The following ZNF469 variants were observed in gnomAD, a reference collection of about 807,000 sequenced individuals.
The protein encoded by ZNF469 is zinc finger protein 469.
ZNF469 carries 1 observed loss-of-function variant against 1.0 expected under a neutral mutation model. That is an observed-to-expected ratio of 1.00 (90% CI 0.35 to 4.73). The LOEUF (loss-of-function observed/expected upper bound fraction) is 4.73. Ranked by LOEUF, ZNF469 falls within the 30% of genes most tolerant of loss-of-function variation. The pLI is 0.16. For missense variants in ZNF469, 6,100 were observed against 5,356.3 expected (o/e 1.14, Z -4.33); for synonymous variants, 2,703 against 2,363.4 (o/e 1.14, Z -4.17).
chr16:88,417,764 C>T (rs1233439310), intron 1 of ZNF469, among the ~76,000 whole-genome samples: 8 of 152,230 alleles, frequency 5.3e-5, no homozygotes, highest in Non-Finnish European at 7.3e-5. Context: ...GCACCTCCAC[C>T]TCCCAGTGCC....
At chr16:88,295,960 G>C in the ZNF469 span, among the ~76,000 whole-genome samples, 4 of 152,208 alleles carry the variant, frequency 2.6e-5, no homozygotes, top group Admixed American at 6.5e-5. Flanking sequence ...ACTGTCAATA[G>C]AGAAAGGGCT....
At chr16:88,320,654 G>A in the ZNF469 span, among the ~76,000 whole-genome samples, 2 of 152,176 alleles carry the variant, frequency 1.3e-5, no homozygotes, top group African/African-American at 4.8e-5. Context: ...AAAGTGCTGG[G>A]ATTACAGGTG....
the ZNF469 span, among the ~76,000 whole-genome samples, chr16:88,336,035 G>A: frequency 6.6e-5 from 10 of 150,582 alleles, no homozygotes; most frequent in South Asian, 1.1e-3. Flanking sequence ...ACAGTGATGC[G>A]CCAATACCAC....
rs774519167 is a variant in ZNF469, at chr16:88,437,291, G to A, written c.9821G>A (p.Arg3274Gln). 3.9e-6 allele frequency: 6 copies of A among 1,547,550 alleles called. No individual in the cohort carries two copies. The African/African-American group carries it at 4.1e-5, about 11-fold the overall frequency. The stretch of plus-strand genomic sequence containing the variant: ...AGCCCGGGCGAGAGGGCGAAACCCC[G>A]GGCACGCAGCACCCCCAGCAACCCA... ...KDSPGERAKPRARSTPSNPDG... is the reference protein window; with the variant it reads ...KDSPGERAKPQARSTPSNPDG... The change falls in exon 3 of 3, where the codon CGG becomes CAG. Residue 3274 changes from arginine (R) to glutamine (Q), a missense_variant. Coordinates refer to ENST00000565624, the MANE Select transcript of ZNF469 (RefSeq NM_001367624.2).
At chr16:88,377,895 A>G in the ZNF469 span, among the ~76,000 whole-genome samples, 18 of 152,236 alleles carry the variant, frequency 1.2e-4, no homozygotes, top group African/African-American at 4.1e-4. Context: ...ATGCCAGGAA[A>G]AAAAAATGGT....
the ZNF469 span, among the ~76,000 whole-genome samples, chr16:88,334,472 G>A: frequency 6.6e-6 from 1 of 152,296 alleles, no homozygotes; most frequent in Non-Finnish European, 1.5e-5. Context: ...AGAGCATCAT[G>A]TCAGAGCTCA....
the ZNF469 span, among the ~76,000 whole-genome samples, chr16:88,109,781 G>C: frequency 0.45 from 62,114 of 139,042 alleles, 14,033 homozygotes; most frequent in Middle Eastern, 0.59. Flanking sequence ...AGGAGGTGCT[G>C]TGCGTCTGTG....
At chr16:88,182,853 A>T in the ZNF469 span, among the ~76,000 whole-genome samples, 2 of 152,096 alleles carry the variant, frequency 1.3e-5, no homozygotes, top group Non-Finnish European at 2.9e-5. Flanking sequence ...CTTAGATAGG[A>T]TACAAAAACA....
At chr16:88,284,375 TG>T in the ZNF469 span, among the ~76,000 whole-genome samples, 1 of 152,170 alleles carries the variant, frequency 6.6e-6, no homozygotes. Flanking sequence ...CGAGGGATCC[TG>T]GGGCATCCCA....
the ZNF469 span, among the ~76,000 whole-genome samples, chr16:88,132,815 G>A: frequency 1.8e-4 from 28 of 152,322 alleles, no homozygotes; most frequent in African/African-American, 6.5e-4. Flanking sequence ...CAGAGGTGGA[G>A]GCCTCCGCAC....
At chr16:88,331,566 TCACCACCAC>T in the ZNF469 span, among the ~76,000 whole-genome samples, 7 of 146,046 alleles carry the variant, frequency 4.8e-5, no homozygotes, top group South Asian at 4.5e-4. Context: ...GTCATCACCA[TCACCACCAC>T]CACCACCACC....
the ZNF469 span, among the ~76,000 whole-genome samples, chr16:88,299,593 G>A: frequency 2.6e-5 from 4 of 152,300 alleles, no homozygotes; most frequent in African/African-American, 9.6e-5. Context: ...AAGCTTTGCC[G>A]TGCGGTGTGG....
chr16:88,312,908 A>G, the ZNF469 span, among the ~76,000 whole-genome samples: 1 of 152,218 alleles, frequency 6.6e-6, no homozygotes, highest in Non-Finnish European at 1.5e-5. Flanking sequence ...GAATTATTCT[A>G]GGATGGCCTG....
chr16:88,439,237 C>A lies in ZNF469; in HGVS notation c.11767C>A (p.Arg3923=). Residue 3923 remains arginine (R), a synonymous_variant, in exon 3 of 3, where the codon CGG becomes AGG. Coordinates refer to ENST00000565624, the MANE Select transcript of ZNF469 (RefSeq NM_001367624.2). ...TGAACCTGCCGAGCCACACACCCAC[C>A]GGACGGCCGAGGCCCAGAGTGACCT... The part of the protein sequence containing the change: ...GAEPAEPHTH[R]TAEAQSDLLS... The A allele has an allele frequency of 1.9e-6, 3 of 1,550,504 alleles. No individual in the cohort carries two copies. The highest frequency in any genetic ancestry group is 2.6e-6 in the Non-Finnish European group (3 of 1,146,998).
rs1265058792 is a variant in ZNF469, at chr16:88,435,124, C to A, written c.7654C>A (p.Pro2552Thr). The change falls in exon 3 of 3, where the codon CCA (proline) becomes ACA (threonine). Residue 2552 changes from proline to threonine, a missense_variant. Pro to Thr is a conservative substitution (Grantham distance 38). Transcript: ENST00000565624. ...SRGDPSHVTQ[P>T]PPAQGSKEVL... ...GGGAGACCCCAGCCACGTCACCCAG[C>A]CACCGCCTGCCCAGGGCTCAAAGGA... 1 of 1,550,242 alleles carries A rather than the reference C, an allele frequency of 6.5e-7. No individual in the cohort carries two copies. Among genetic ancestry groups the A allele is most frequent in the South Asian group, 1.2e-5 (1 of 84,062 alleles).
the ZNF469 span, among the ~76,000 whole-genome samples, chr16:88,234,118 C>G: frequency 6.6e-6 from 1 of 152,178 alleles, no homozygotes; most frequent in Non-Finnish European, 1.5e-5. Flanking sequence ...AGGAGAAGCC[C>G]TGTGTACAAA....
upstream of ZNF469, among the ~76,000 whole-genome samples, chr16:88,381,058 T>TCTCACACACAGGCATGCA (rs1567495821): frequency 1.7e-5 from 1 of 59,866 alleles, no homozygotes; most frequent in Non-Finnish European, 3.5e-5. Context: ...ACAGACACGC[T>TCTCACACACAGGCATGCA]CTCACACACA....
chr16:88,425,167 C>T (rs56236295), intron 2 of ZNF469, among the ~76,000 whole-genome samples: 17,115 of 152,244 alleles, frequency 0.11, 1,052 homozygotes, highest in South Asian at 0.15. Flanking sequence ...TGACAAAGCC[C>T]CTGGGCACAG....
chr16:88,171,754 T>C, the ZNF469 span, among the ~76,000 whole-genome samples: 1 of 152,198 alleles, frequency 6.6e-6, no homozygotes, highest in Non-Finnish European at 1.5e-5. Flanking sequence ...ATGTCCTTCC[T>C]GCTGTGTGAT....
Sources: gnomAD v4.1 joint callset for allele counts (sites outside exome capture counted in the v4.1 genomes callset) on GRCh38, gnomAD v4.1.1 for gene constraint, MANE v1.5 for transcripts, NCBI Gene and HGNC (gene_info 2026-07-23, HGNC 2026-07-21) for gene names.